Variants in PAPLN observed in about 807,000 individuals in gnomAD.
The protein encoded by PAPLN is papilin.
In PAPLN, 146 loss-of-function variants were observed where a neutral mutation model predicts 159.0. The observed-to-expected ratio is 0.92, with a 90% CI of 0.80 to 1.05. The LOEUF is 1.05. PAPLN is among the 50% of genes least tolerant of loss of function. PAPLN has a pLI of 0.00. For synonymous variants in PAPLN, 734 were observed against 702.9 expected (o/e 1.04, Z -0.70); for missense variants, 1,720 against 1,743.9 (o/e 0.99, Z 0.24).
chr14:73,265,455 C>G lies in PAPLN; in HGVS notation c.3211C>G (p.Pro1071Ala). 6.2e-7 allele frequency: 1 copy of G among 1,613,748 alleles called. No homozygotes were observed. The highest frequency in any genetic ancestry group is 8.5e-7 in the Non-Finnish European group (1 of 1,180,030). ...GATGACCTGCCGTGCCGAAGGCTTC[C>G]CGCCCCCAGCCATCGAGTGGCAGAG... ...IRMTCRAEGF[P>A]PPAIEWQRDG... The change falls in exon 23 of 27, where the codon CCG (proline) becomes GCG (alanine). Residue 1071 changes from proline to alanine, a missense_variant. Transcript: ENST00000644200. This position sits in a 1 kb window ranked among gnomAD's most constrained non-coding sequence, Gnocchi z 4.1.
In PAPLN at chr14:73,250,991, C is replaced by T. The variant is rs1380025856; in HGVS notation, c.550C>T (p.Pro184Ser). Residue 184 changes from proline (P) to serine (S), a missense_variant, in exon 7 of 27, where the codon CCC becomes TCC. Transcript: ENST00000644200. Reference protein sequence around the residue: ...RCGGDGTTCYPVAGTFDANDL... With the variant: ...RCGGDGTTCYSVAGTFDANDL... ...TGGGGGTGACGGCACGACCTGCTAC[C>T]CCGTCGCAGGCACCTTTGACGCTAA... 9 of 1,613,424 alleles carry T rather than the reference C, an allele frequency of 5.6e-6. No individual in the cohort carries two copies. Among genetic ancestry groups the T allele is most frequent in the Non-Finnish European group, 7.6e-6 (9 of 1,179,832 alleles).
intron 10 of PAPLN, 148 bp from the exon 11 acceptor site, chr14:73,252,501 G>T: frequency 9.3e-7 from 1 of 1,072,886 alleles, no homozygotes; most frequent in Non-Finnish European, 1.3e-6. Flanking sequence ...TCTGCCAATT[G>T]GAGATGTGGT....
In PAPLN at chr14:73,264,293, C is replaced by T. The variant is rs1250437778; in HGVS notation, c.2944C>T (p.Arg982Trp). 1.5e-5 allele frequency: 24 copies of T among 1,613,840 alleles called. No homozygotes were observed. Among genetic ancestry groups the T allele is most frequent in the Non-Finnish European group, 1.9e-5 (22 of 1,180,022 alleles). Residue 982 changes from arginine to tryptophan, a missense_variant, in exon 21 of 27, where the codon CGG becomes TGG. Arg to Trp is a moderately radical substitution (Grantham distance 101, BLOSUM62 -3). Coordinates refer to ENST00000644200, the MANE Select transcript of PAPLN (RefSeq NM_001365906.3). ...DAGTYSCGSTRPGRDSQKIQL... is the reference protein window; with the variant it reads ...DAGTYSCGSTWPGRDSQKIQL... ...GGGCACCTACAGCTGTGGCAGCACC[C>T]GGCCAGGCCGCGACTCCCAGAAGAT...
At position 73,245,877 on chromosome 14, in the gene PAPLN, C is replaced by T; in HGVS notation, c.231+181C>T. 1 of 923,792 alleles carries T rather than the reference C, an allele frequency of 1.1e-6. No homozygotes were observed. The highest frequency in any genetic ancestry group is 1.6e-6 in the Non-Finnish European group (1 of 625,410). 57.2% of individuals were successfully genotyped at this position (923,792 alleles called of 1,614,324 possible). On this transcript the variant is annotated intron_variant, in intron 4 of 26. Coordinates refer to ENST00000644200, the MANE Select transcript of PAPLN (RefSeq NM_001365906.3). This position sits in a 1 kb window ranked among gnomAD's most constrained non-coding sequence, Gnocchi z 4.2. ...CCTCACCCTGCTCCCGGGGACTGGCCTTGCCCTCCACAGCCTAGAGCACCA... is the reference window on the plus strand; with the variant it reads ...CCTCACCCTGCTCCCGGGGACTGGCTTTGCCCTCCACAGCCTAGAGCACCA...
chr14:73,262,911 C>T lies in PAPLN; in HGVS notation c.2723+84C>T, dbSNP rs144725499. The T allele has an allele frequency of 1.6e-3, 1,915 of 1,214,634 alleles. 23 individuals are homozygous for T. The African/African-American group carries it at 0.025, about 16-fold the overall frequency. 75.2% of individuals were successfully genotyped at this position (1,214,634 alleles called of 1,614,324 possible). On this transcript the variant is annotated intron_variant, in intron 19 of 26. Coordinates refer to ENST00000644200, the MANE Select transcript of PAPLN (RefSeq NM_001365906.3). ...TTGGAGCTAAACCCCTGAAGTCAGCCGGCCCTCCCTCCCCATCCCTAACTT... is the reference window on the plus strand; with the variant it reads ...TTGGAGCTAAACCCCTGAAGTCAGCTGGCCCTCCCTCCCCATCCCTAACTT...
chr14:73,238,014 G>A (rs1883154479), intron 1 of PAPLN, among the ~76,000 whole-genome samples: 1 of 152,156 alleles, frequency 6.6e-6, no homozygotes, highest in Non-Finnish European at 1.5e-5. Flanking sequence ...GGCCACCCCG[G>A]GCCTCCCGTG....
At chr14:73,268,932 G>A (rs1252128356) in intron 26 of PAPLN, among the ~76,000 whole-genome samples, 1 of 152,174 alleles carries the variant, frequency 6.6e-6, no homozygotes, top group Non-Finnish European at 1.5e-5. Flanking sequence ...ACCTGAGAGG[G>A]CTGTAGTGGA....
rs1422712856 is a variant in PAPLN, at chr14:73,272,495, C to T, written c.3668C>T (p.Ala1223Val). 1 of 1,527,444 alleles carries T rather than the reference C, an allele frequency of 6.5e-7. No individual in the cohort carries two copies. The highest frequency in any genetic ancestry group is 1.9e-5 in the Admixed American group (1 of 52,516). The allele number at this position is 1,527,444 out of a possible 1,614,324, so 94.6% of individuals were successfully genotyped here. Residue 1223 changes from alanine (A) to valine (V), a missense_variant and splice_region_variant, in exon 27 of 27, where the codon GCA becomes GTA. By Grantham distance (64) the Ala-to-Val change is moderately conservative. Transcript: ENST00000644200. ...RSTEVKVVSP[A>V]PTAQPRDPGR... ...TTCTCTCTCCCCTGTCGTTCTGCAG[C>T]ACCCACCGCCCAGCCCAGGGACCCT...
chr14:73,273,066 C>G lies in PAPLN; in HGVS notation c.*402C>G, dbSNP rs192141339. 1.9e-5 allele frequency: 3 copies of G among 154,984 alleles called. No homozygotes were observed. Among genetic ancestry groups the G allele is most frequent in the African/African-American group, 7.2e-5 (3 of 41,646 alleles). 9.6% of individuals were successfully genotyped at this position (154,984 alleles called of 1,614,324 possible). On this transcript the variant is annotated 3_prime_UTR_variant, in exon 27 of 27. Transcript: ENST00000644200. ...GCGCGATCTCAGCTCACTGCAACCTCCGTCTCCTGGGTTCTTGATTCTCCT... is the reference window on the plus strand; with the variant it reads ...GCGCGATCTCAGCTCACTGCAACCTGCGTCTCCTGGGTTCTTGATTCTCCT...
chr14:73,243,489 T>C (rs1215830837), intron 2 of PAPLN: 2 of 152,232 alleles, frequency 1.3e-5, no homozygotes, highest in African/African-American at 4.8e-5. Flanking sequence ...AGTGTCTCAT[T>C]TGATTCCCCC....
intron 5 of PAPLN, among the ~76,000 whole-genome samples, chr14:73,247,720 C>G (rs1322447311): frequency 7.6e-6 from 1 of 131,774 alleles, no homozygotes; most frequent in African/African-American, 3.0e-5. Context: ...CAGTGGGAGT[C>G]TCATGTCCTC....
intron 19 of PAPLN, 96 bp downstream of exon 19, chr14:73,262,923 C>T (rs1886752134): frequency 4.4e-6 from 5 of 1,136,846 alleles, no homozygotes; most frequent in Non-Finnish European, 4.6e-6. Flanking sequence ...GCCCTCCCTC[C>T]CCATCCCTAA....
At chr14:73,241,014 G>C (rs368716022) in intron 2 of PAPLN, among the ~76,000 whole-genome samples, 1 of 141,096 alleles carries the variant, frequency 7.1e-6, no homozygotes, top group South Asian at 2.2e-4. Flanking sequence ...TGGGGAGGTC[G>C]GGGGGGGGAT....
chr14:73,268,701 C>G lies in PAPLN; in HGVS notation c.3645C>G (p.Thr1215=). Residue 1215 remains threonine, a synonymous_variant, in exon 26 of 27, where the codon ACC becomes ACG. Coordinates refer to ENST00000644200, the MANE Select transcript of PAPLN (RefSeq NM_001365906.3). ...YQGSQAVSRS[T]EVKVVSPAPT... ...GGAGCCAGGCAGTCAGCCGCAGCACCGAGGTGAAGGTGGTCTCACCAGGTA... is the reference window on the plus strand; with the variant it reads ...GGAGCCAGGCAGTCAGCCGCAGCACGGAGGTGAAGGTGGTCTCACCAGGTA... 2 of 1,612,492 alleles carry G rather than the reference C, an allele frequency of 1.2e-6. No individual in the cohort carries two copies. The highest frequency in any genetic ancestry group is 1.7e-6 in the Non-Finnish European group (2 of 1,179,226).
chr14:73,251,883 C>T (rs916297545), intron 9 of PAPLN, 47 bp downstream of exon 9: 1 of 1,554,402 alleles, frequency 6.4e-7, no homozygotes, highest in Middle Eastern at 1.7e-4. Context: ...GCTCGTGGTC[C>T]CCAAGAGGCT....
chr14:73,263,370 G>A (rs1056622398), intron 19 of PAPLN: 9 of 548,416 alleles, frequency 1.6e-5, no homozygotes, highest in Admixed American at 6.2e-5. Flanking sequence ...CGTCCCTCCC[G>A]ACCTCTCCCC....
At chr14:73,254,403 C>A in intron 12 of PAPLN, 110 bp from the exon 13 acceptor site, 1 of 1,345,374 alleles carries the variant, frequency 7.4e-7, no homozygotes, top group Non-Finnish European at 1.0e-6. Context: ...AGGACATGGG[C>A]AGTTGGGTGC....
intron 11 of PAPLN, 56 bp from the exon 12 acceptor site, chr14:73,253,698 G>T: frequency 6.7e-7 from 1 of 1,484,838 alleles, no homozygotes; most frequent in South Asian, 1.3e-5. Flanking sequence ...AACCCTCAGG[G>T]CTGGGTTTCT....
intron 18 of PAPLN, chr14:73,261,928 G>C (rs1027268485): frequency 2.6e-5 from 5 of 192,190 alleles, no homozygotes; most frequent in African/African-American, 1.2e-4. Flanking sequence ...TGGGGACAAG[G>C]GCATGCCCTT....
Sources: gnomAD v4.1 joint callset for allele counts (sites outside exome capture counted in the v4.1 genomes callset) on GRCh38, gnomAD v4.1.1 for gene constraint, Gnocchi (gnomAD v3.1) non-coding constraint, MANE v1.5 for transcripts, NCBI Gene and HGNC (gene_info 2026-07-23, HGNC 2026-07-21) for gene names.